Variants in DAB1 observed in about 807,000 individuals in gnomAD.
DAB1 encodes DAB adaptor protein 1.
DAB1 carries 15 observed loss-of-function variants against 64.6 expected under a neutral mutation model. That is an observed-to-expected ratio of 0.23 (90% CI 0.16 to 0.36). DAB1 has a LOEUF of 0.36. DAB1 is among the 10% of genes least tolerant of loss of function. The probability of loss-of-function intolerance (pLI) is 1.00; values close to 1 mark genes in which losing one functional copy is unlikely to be tolerated. For missense variants in DAB1, 596 were observed against 706.7 expected (o/e 0.84, Z 1.78); for synonymous variants, 235 against 251.9 (o/e 0.93, Z 0.64).
At chr1:57,392,783 G>A (rs1273591055) in intron 1 of DAB1, among the ~76,000 whole-genome samples, 4 of 152,278 alleles carry the variant, frequency 2.6e-5, no homozygotes, top group African/African-American at 9.6e-5. Context: ...GAAGATCAAC[G>A]TGACTCAAGC....
intron 5 of DAB1, among the ~76,000 whole-genome samples, chr1:57,955,675 C>A (rs1439560871): frequency 6.6e-6 from 1 of 151,890 alleles, no homozygotes; most frequent in African/African-American, 2.4e-5. Flanking sequence ...GGATACAGCC[C>A]AAATTAGCAC....
chr1:57,572,138 A>G (rs1436157746), intron 7 of DAB1, among the ~76,000 whole-genome samples: 1 of 152,182 alleles, frequency 6.6e-6, no homozygotes, highest in Non-Finnish European at 1.5e-5. Flanking sequence ...ACAAAGCCTG[A>G]ACCTGCAGAT....
At chr1:57,722,795 T>C (rs1251323888) in intron 6 of DAB1, among the ~76,000 whole-genome samples, 2 of 152,178 alleles carry the variant, frequency 1.3e-5, no homozygotes, top group Admixed American at 1.3e-4. Flanking sequence ...CACTGACATA[T>C]GAAGCAAAAT....
intron 3 of DAB1, among the ~76,000 whole-genome samples, chr1:58,409,496 C>G (rs546331088): frequency 1.7e-4 from 26 of 152,294 alleles, no homozygotes; most frequent in African/African-American, 6.0e-4. Context: ...AGTGGGCTGT[C>G]CCAGGAAGCA....
intron 6 of DAB1, among the ~76,000 whole-genome samples, chr1:57,778,114 T>C (rs959165826): frequency 1.3e-5 from 2 of 152,084 alleles, no homozygotes; most frequent in African/African-American, 4.8e-5. Context: ...AATTCTCTAG[T>C]TGTTCTTTAA....
At chr1:57,416,017 T>C (rs957853962) in intron 1 of DAB1, among the ~76,000 whole-genome samples, 6 of 151,984 alleles carry the variant, frequency 3.9e-5, no homozygotes, top group African/African-American at 1.5e-4. Context: ...TGAGAGAAGG[T>C]AATCTACTGT....
chr1:57,524,039 A>C (rs1464795901), intron 7 of DAB1, among the ~76,000 whole-genome samples: 2 of 152,228 alleles, frequency 1.3e-5, no homozygotes, highest in African/African-American at 4.8e-5. Flanking sequence ...TTGAAGATAA[A>C]GTTTAGAAAT....
intron 9 of DAB1, among the ~76,000 whole-genome samples, chr1:57,049,375 C>T (rs1003952385): frequency 1.5e-5 from 2 of 134,876 alleles, no homozygotes; most frequent in Admixed American, 8.6e-5. Flanking sequence ...GGCATGAACC[C>T]GGGAGGCAGA....
At chr1:57,324,040 G>A (rs1378654783) in intron 1 of DAB1, among the ~76,000 whole-genome samples, 1 of 152,184 alleles carries the variant, frequency 6.6e-6, no homozygotes, top group East Asian at 1.9e-4. Context: ...AAACTGCAAA[G>A]AGCTAAGATA....
intron 2 of DAB1, among the ~76,000 whole-genome samples, chr1:57,234,414 G>A (rs1475236548): frequency 6.6e-6 from 1 of 152,024 alleles, no homozygotes; most frequent in Admixed American, 6.6e-5. Context: ...TATAAAGTGA[G>A]TATGGTGATA....
chr1:58,339,149 GC>G (rs1663192752), intron 4 of DAB1, among the ~76,000 whole-genome samples: 1 of 152,092 alleles, frequency 6.6e-6, no homozygotes, highest in Admixed American at 6.5e-5. Flanking sequence ...TGAATTTTAT[GC>G]TATATGAATT....
chr1:57,781,400 C>T (rs967376203), intron 6 of DAB1, among the ~76,000 whole-genome samples: 11 of 151,706 alleles, frequency 7.3e-5, no homozygotes, highest in African/African-American at 1.9e-4. Flanking sequence ...GAAATCCTGT[C>T]TCTATTTCAT....
At chr1:57,429,063 G>A (rs1685400676) in intron 7 of DAB1, among the ~76,000 whole-genome samples, 1 of 151,942 alleles carries the variant, frequency 6.6e-6, no homozygotes, top group Non-Finnish European at 1.5e-5. Flanking sequence ...ACAGGCAAGT[G>A]CCACCATGCC....
At chr1:57,253,980 A>G (rs1007920603) in intron 2 of DAB1, among the ~76,000 whole-genome samples, 6 of 152,216 alleles carry the variant, frequency 3.9e-5, no homozygotes, top group Admixed American at 3.9e-4. Context: ...GCAAATTGCC[A>G]ATTTATGCAC....
rs1686825475 is a variant in DAB1 at position 57,462,701 on chromosome 1, G to A, written n.626-171535C>T. 2.0e-5 allele frequency among the ~76,000 whole-genome samples: 3 copies of A among 152,182 alleles called. No homozygotes were observed. In the South Asian group the frequency reaches 6.2e-4, roughly 32 times the overall value. ...AAGTTAACATGCACATGGACACACA[G>A]CTCTCGGGAGTGATGGTGCTAAGAT... On this transcript the variant is annotated intron_variant and non_coding_transcript_variant, in intron 7 of 20. Coordinates refer to the DAB1 transcript ENST00000485760.
rs201111039 is a variant in DAB1 at position 57,206,968 on chromosome 1, C to CTTTTTTTTTTTT, written c.68-61551_68-61540dup. On this transcript the variant is annotated intron_variant, in intron 2 of 14. Coordinates refer to ENST00000371236, the MANE Select transcript of DAB1 (RefSeq NM_001365792.1). ...CTCTTTCTCTTTCTTTCCTTCCTTC[C>CTTTTTTTTTTTT]TTTTTTTTTTTTTTTTTTTTTTGGA... Among the ~76,000 whole-genome samples, 99 of 84,482 alleles carry CTTTTTTTTTTTT rather than the reference C, an allele frequency of 1.2e-3. 5 individuals carry two copies. Among genetic ancestry groups the CTTTTTTTTTTTT allele is most frequent in the Middle Eastern group, 0.01 (1 of 100 alleles). 55.4% of individuals were successfully genotyped at this position (84,482 alleles called of 152,430 possible).
At chr1:58,167,029 T>C (rs1655877650) in intron 4 of DAB1, among the ~76,000 whole-genome samples, 1 of 147,924 alleles carries the variant, frequency 6.8e-6, no homozygotes, top group Non-Finnish European at 1.5e-5. Context: ...AATATAGGTA[T>C]GAGCCATTGC....
At chr1:57,355,342 CCCTTCCTT>C (rs200525999) in intron 1 of DAB1, among the ~76,000 whole-genome samples, 1 of 151,200 alleles carries the variant, frequency 6.6e-6, no homozygotes, top group African/African-American at 2.4e-5. Flanking sequence ...CTTCCATCCT[CCCTTCCTT>C]CCTTCCTTCC....
intron 3 of DAB1, among the ~76,000 whole-genome samples, chr1:58,505,016 G>A (rs962777371): frequency 2.0e-5 from 3 of 151,748 alleles, no homozygotes; most frequent in Admixed American, 1.3e-4. Flanking sequence ...GCAGTGGCAC[G>A]ATCTCGGCTC....
Sources: gnomAD v4.1 joint callset for allele counts (sites outside exome capture counted in the v4.1 genomes callset) on GRCh38, gnomAD v4.1.1 for gene constraint, MANE v1.5 for transcripts, NCBI Gene and HGNC (gene_info 2026-07-23, HGNC 2026-07-21) for gene names.